RYR2: variants seen among roughly 807,000 people sequenced by gnomAD.
RYR2 encodes the protein cardiac muscle ryanodine receptor-calcium release channel.
A neutral mutation model predicts 601.1 loss-of-function variants in RYR2; 227 were observed. The observed-to-expected ratio is 0.38, with a 90% CI of 0.34 to 0.42. The LOEUF is 0.42. RYR2 is among the 10% of genes least tolerant of loss of function. The pLI, the probability that RYR2 is intolerant of heterozygous loss-of-function variation, is 1.00. For missense variants in RYR2, 4,646 were observed against 6,156.5 expected, an observed-to-expected ratio of 0.75 and a Z score of 8.21; for synonymous variants, 2,223 against 2,175.1, an observed-to-expected ratio of 1.02 and a Z score of -0.61.
At chr1:237,635,076 G>A in intron 44 of RYR2, 84 bp downstream of exon 44, 1 of 1,081,478 alleles carries the variant, frequency 9.2e-7, no homozygotes, top group South Asian at 2.1e-5. Flanking sequence ...AGTAAGGTTG[G>A]TGCAGAAGTC....
chr1:237,070,686 CAAGT>C (rs1664208402), intron 1 of RYR2, among the ~76,000 whole-genome samples: 1 of 152,200 alleles, frequency 6.6e-6, no homozygotes, highest in African/African-American at 2.4e-5. Context: ...GTTGTGTGAG[CAAGT>C]GAGTGTGGGG....
chr1:237,764,284 A>G lies in RYR2; in HGVS notation c.11476+3256A>G, dbSNP rs373194445. Among the ~76,000 whole-genome samples the G allele has an allele frequency of 3.3e-5, 5 of 152,272 alleles. 1 individual carries two copies. Among genetic ancestry groups the G allele is most frequent in the African/African-American group, 9.6e-5 (4 of 41,562 alleles). ...GCTAAGCGGCAAGGCTGAGACTGAA[A>G]TGCAGGCATTCTGCCTCCCACTGTT... On this transcript the variant is annotated intron_variant, in intron 84 of 104. Coordinates refer to ENST00000366574, the MANE Select transcript of RYR2 (RefSeq NM_001035.3).
Position 237,801,908 on chromosome 1 carries a change from A to G in RYR2, c.14143A>G (p.Thr4715Ala), listed in dbSNP as rs1200951039. Residue 4715 changes from threonine (T) to alanine (A), a missense_variant, in exon 98 of 105, where the codon ACT becomes GCT. Physicochemically the swap from Thr to Ala is moderately conservative, Grantham distance 58. Around this residue, in one of 17 missense-constraint regions of RYR2, gnomAD observed 76 missense variants for 97.4 expected, o/e 0.78. Coordinates refer to ENST00000366574, the MANE Select transcript of RYR2 (RefSeq NM_001035.3). The part of the protein sequence containing the change: ...YQMWKLGVVF[T>A]DNSFLYLAWY... ...GATGTGGAAACTAGGAGTCGTTTTC[A>G]CTGACAACGTAAGCCTACTTCATTA... 6.3e-7 allele frequency: 1 copy of G among 1,596,170 alleles called. No individual in the cohort carries two copies. Among genetic ancestry groups the G allele is most frequent in the Admixed American group, 1.7e-5 (1 of 59,958 alleles).
chr1:237,744,944 G>A (rs376890971), intron 80 of RYR2, among the ~76,000 whole-genome samples: 47 of 151,526 alleles, frequency 3.1e-4, no homozygotes, highest in African/African-American at 1.1e-3. Flanking sequence ...CTACAGTGGC[G>A]CGCCACCACG....
intron 24 of RYR2, among the ~76,000 whole-genome samples, chr1:237,515,811 C>CTCCCCCCTCTTCTCT (rs1558952849): frequency 8.5e-6 from 1 of 117,648 alleles, no homozygotes; most frequent in African/African-American, 2.9e-5. Flanking sequence ...CCTTCTCCTC[C>CTCCCCCCTCTTCTCT]TCCTCCCTCT....
chr1:237,803,818 T>C (rs1282291325), intron 98 of RYR2, among the ~76,000 whole-genome samples: 4 of 152,198 alleles, frequency 2.6e-5, no homozygotes, highest in Non-Finnish European at 5.9e-5. Context: ...ATTTGCTGAA[T>C]CTTGGTCCTG....
intron 2 of RYR2, among the ~76,000 whole-genome samples, chr1:237,327,129 T>C (rs1696245486): frequency 6.6e-6 from 1 of 152,222 alleles, no homozygotes. Context: ...TGATGTGTAT[T>C]AAGTTTTCCT....
chr1:237,526,374 G>A (rs1667596147), intron 24 of RYR2, among the ~76,000 whole-genome samples: 1 of 150,820 alleles, frequency 6.6e-6, no homozygotes, highest in South Asian at 2.1e-4. Context: ...CAGGACCAGA[G>A]TCTCACTCTG....
chr1:237,207,257 T>C (rs1485963140), intron 1 of RYR2, among the ~76,000 whole-genome samples: 1 of 152,022 alleles, frequency 6.6e-6, no homozygotes, highest in Admixed American at 6.5e-5. Context: ...ATGAATGGGA[T>C]GAAGGCCTTT....
chr1:237,074,141 A>AC (rs1376637037), intron 1 of RYR2, among the ~76,000 whole-genome samples: 1 of 151,696 alleles, frequency 6.6e-6, no homozygotes, highest in Non-Finnish European at 1.5e-5. Context: ...ACATAGTGAG[A>AC]CCCCATCTCT....
intron 14 of RYR2, among the ~76,000 whole-genome samples, chr1:237,453,396 T>G (rs34889106): frequency 0.52 from 79,495 of 151,978 alleles, 22,179 homozygotes; most frequent in East Asian, 0.74. Flanking sequence ...TTTAAATAAT[T>G]TTTTAAAACT....
chr1:237,167,517 A>T (rs900845996), intron 1 of RYR2, among the ~76,000 whole-genome samples: 1 of 152,140 alleles, frequency 6.6e-6, no homozygotes, highest in Non-Finnish European at 1.5e-5. Context: ...ATATAATAGC[A>T]TGATCATTCT....
intron 10 of RYR2, among the ~76,000 whole-genome samples, chr1:237,405,170 C>T (rs780440036): frequency 1.2e-4 from 19 of 152,182 alleles, no homozygotes; most frequent in Non-Finnish European, 2.2e-4. Context: ...TTCTGTGTGA[C>T]ATCACCTTGG....
chr1:237,768,494 T>A (rs1426892999), intron 84 of RYR2, among the ~76,000 whole-genome samples: 2 of 152,202 alleles, frequency 1.3e-5, no homozygotes, highest in African/African-American at 2.4e-5. Flanking sequence ...AAGCCTCTTA[T>A]AACAATGAAA....
chr1:237,669,356 A>T (rs888493674), intron 58 of RYR2, among the ~76,000 whole-genome samples: 1 of 152,046 alleles, frequency 6.6e-6, no homozygotes, highest in African/African-American at 2.4e-5. Flanking sequence ...CAAAACCGCC[A>T]TTGTCATCAT....
intron 1 of RYR2, among the ~76,000 whole-genome samples, chr1:237,067,862 T>C (rs1663840921): frequency 6.6e-6 from 1 of 152,174 alleles, no homozygotes. Flanking sequence ...CTATTTCCTT[T>C]AGCTGAGTTT....
At chr1:237,089,063 A>T (rs777976827) in intron 1 of RYR2, among the ~76,000 whole-genome samples, 20 of 152,162 alleles carry the variant, frequency 1.3e-4, no homozygotes, top group African/African-American at 4.3e-4. Context: ...ATGGAAAGGC[A>T]CCCTCTGGTT....
chr1:237,732,550 C>T (rs1005687372), intron 78 of RYR2, among the ~76,000 whole-genome samples: 24 of 152,268 alleles, frequency 1.6e-4, no homozygotes, highest in African/African-American at 4.6e-4. Context: ...TGCAGTGGGT[C>T]TTAGGAAACC....
intron 1 of RYR2, among the ~76,000 whole-genome samples, chr1:237,047,883 G>T (rs1037752794): frequency 6.6e-6 from 1 of 152,066 alleles, no homozygotes; most frequent in Admixed American, 6.5e-5. Context: ...CAAAATCTGG[G>T]ATCTCTTGAA....
Sources: allele counts gnomAD v4.1 joint callset (sites outside exome capture counted in the v4.1 genomes callset), GRCh38; gene constraint gnomAD v4.1.1; regional missense constraint gnomAD v4.1.1; transcripts MANE v1.5; gene names NCBI Gene and HGNC (gene_info 2026-07-23, HGNC 2026-07-21).